The following HEATR5A variants were observed in gnomAD, a reference collection of about 807,000 sequenced individuals.
HEATR5A encodes the protein HEAT repeat containing 5A.
Under a neutral mutation model 218.8 loss-of-function variants are expected in HEATR5A, and 178 were observed. The ratio of observed to expected loss-of-function variants is 0.81; its 90% CI spans 0.72 to 0.92. HEATR5A has a LOEUF of 0.92. Ranked by LOEUF, HEATR5A falls within the 40% of genes least tolerant of loss-of-function variation. HEATR5A has a pLI of 0.00. For synonymous variants in HEATR5A, 864 were observed against 871.6 expected (o/e 0.99, Z 0.15); for missense variants, 2,420 against 2,418.9 (o/e 1.00, Z -0.01).
Position 31,293,581 on chromosome 14 carries a change from G to A in HEATR5A, c.5865C>T (p.Ile1955=), listed in dbSNP as rs751168472. The A allele has an allele frequency of 1.2e-6, 2 of 1,613,108 alleles. No individual in the cohort carries two copies. The highest frequency in any genetic ancestry group is 2.2e-5 in the South Asian group (2 of 90,870). The change falls in exon 36 of 36, where the codon ATC becomes ATT. Residue 1955 remains isoleucine, a synonymous_variant. Coordinates refer to ENST00000543095, the MANE Select transcript of HEATR5A (RefSeq NM_015473.4). ...TTTCATCCAAAAGGAAGGAAATGAG[G>A]ATGGGCAAAAGACAGGCCACCAGCT... ...RAQLVACLLP[I]LISFLLDENS... is the part of the protein sequence containing the mutation.
chr14:31,355,343 G>T (rs569891411), intron 16 of HEATR5A, among the ~76,000 whole-genome samples: 245 of 152,136 alleles, frequency 1.6e-3, no homozygotes, highest in South Asian at 9.1e-3. Flanking sequence ...AACCTGGGAG[G>T]CGGAGGTTGC....
intron 13 of HEATR5A, among the ~76,000 whole-genome samples, chr14:31,366,580 G>A (rs1187635704): frequency 6.6e-6 from 1 of 151,906 alleles, no homozygotes; most frequent in Admixed American, 6.6e-5. Context: ...TCATTAGGAG[G>A]GCAGATTATA....
At chr14:31,312,839 A>G in intron 28 of HEATR5A, 129 bp downstream of exon 28, 1 of 723,306 alleles carries the variant, frequency 1.4e-6, no homozygotes, top group Non-Finnish European at 2.3e-6. Flanking sequence ...CAGAGGTTGC[A>G]GTGAGCCAAA....
chr14:31,371,938 G>T, intron 12 of HEATR5A, 29 bp from the exon 13 acceptor site: 1 of 1,154,524 alleles, frequency 8.7e-7, no homozygotes, highest in East Asian at 2.6e-5. Flanking sequence ...TTTTACTTGG[G>T]CATACTGTAA....
intron 1 of HEATR5A, among the ~76,000 whole-genome samples, chr14:31,415,657 A>G (rs1838612419): frequency 6.6e-6 from 1 of 152,086 alleles, no homozygotes; most frequent in South Asian, 2.1e-4. Flanking sequence ...GTTTTTTAAG[A>G]GTTTTGGTGA....
chr14:31,295,470 T>G (rs1158155143), intron 34 of HEATR5A: 1 of 152,654 alleles, frequency 6.6e-6, no homozygotes, highest in East Asian at 1.9e-4. Context: ...GCTCTCGGAC[T>G]CCTGGCCTCA....
At chr14:31,323,486 A>T in intron 24 of HEATR5A, 79 bp downstream of exon 24, 1 of 1,145,028 alleles carries the variant, frequency 8.7e-7, no homozygotes, top group Non-Finnish European at 1.2e-6. Context: ...AAAATATTTT[A>T]ATATTTTAAA....
Position 31,326,308 on chromosome 14 carries a change from T to G in HEATR5A, c.3402A>C (p.Ala1134=). Residue 1134 remains alanine, a synonymous_variant, in exon 23 of 36, where the codon GCA becomes GCC. Transcript: ENST00000543095. The stretch of plus-strand genomic sequence containing the variant: ...TCTCCTTGTCTAGTAAGATCAACAA[T>G]GCCCCCTCAAGGCCAACTTCTCTGA... ...ANIREVGLEG[A]LLILLDKETD... 6.2e-7 allele frequency: 1 copy of G among 1,613,210 alleles called. No individual in the cohort carries two copies.
intron 13 of HEATR5A, among the ~76,000 whole-genome samples, chr14:31,367,435 T>C (rs1053904778): frequency 6.6e-6 from 1 of 152,046 alleles, no homozygotes; most frequent in Non-Finnish European, 1.5e-5. Context: ...AGTCTCACTC[T>C]GTTACCCAGG....
chr14:31,410,193 A>G (rs767121147), intron 1 of HEATR5A, among the ~76,000 whole-genome samples: 1 of 152,168 alleles, frequency 6.6e-6, no homozygotes, highest in African/African-American at 2.4e-5. Context: ...TTAAATTTCA[A>G]TTATTTTTCT....
chr14:31,337,727 G>A, intron 21 of HEATR5A, 113 bp from the exon 22 acceptor site: 3 of 795,550 alleles, frequency 3.8e-6, no homozygotes, highest in East Asian at 2.8e-5. Flanking sequence ...TCAGTGGGCT[G>A]GACACAATTT....
chr14:31,403,949 AACTT>A (rs1350177111), intron 1 of HEATR5A, among the ~76,000 whole-genome samples: 1 of 152,228 alleles, frequency 6.6e-6, no homozygotes, highest in African/African-American at 2.4e-5. Context: ...GCTTTACTGC[AACTT>A]ACTTTTTAAA....
intron 18 of HEATR5A, 35 bp from the exon 19 acceptor site, chr14:31,347,942 C>A: frequency 7.6e-7 from 1 of 1,317,758 alleles, no homozygotes; most frequent in Non-Finnish European, 1.0e-6. Context: ...ACGGTAATCA[C>A]TGCAAAAGAA....
Position 31,304,128 on chromosome 14 carries a change from A to G in HEATR5A, c.5239+777T>C, listed in dbSNP as rs369594181. Among the ~76,000 whole-genome samples the G allele has an allele frequency of 1.2e-3, 187 of 152,266 alleles. 6 individuals are homozygous for G. The South Asian group carries it at 0.037, about 30-fold the overall frequency. On this transcript the variant is annotated intron_variant, in intron 32 of 35. Transcript: ENST00000543095. ...GGAGGCCAAGACAGGAGGATTGCTTAAGCCCAGGAGTTTGACATTATAGTG... is the reference window on the plus strand; with the variant it reads ...GGAGGCCAAGACAGGAGGATTGCTTGAGCCCAGGAGTTTGACATTATAGTG...
intron 33 of HEATR5A, among the ~76,000 whole-genome samples, chr14:31,299,311 C>A (rs1899288601): frequency 6.6e-6 from 1 of 152,198 alleles, no homozygotes; most frequent in Non-Finnish European, 1.5e-5. Context: ...TCATTTTAAT[C>A]CTTTTTGTCC....
chr14:31,403,464 C>A (rs1295524304), intron 1 of HEATR5A, among the ~76,000 whole-genome samples: 1 of 152,174 alleles, frequency 6.6e-6, no homozygotes, highest in Non-Finnish European at 1.5e-5. Context: ...GTAAAGCTTG[C>A]CATCTCTCTG....
intron 6 of HEATR5A, among the ~76,000 whole-genome samples, chr14:31,392,433 GA>G (rs1237007925): frequency 6.6e-6 from 1 of 152,118 alleles, no homozygotes; most frequent in Admixed American, 6.6e-5. Flanking sequence ...TTCTCCAAGA[GA>G]AAACTCATGA....
Position 31,371,626 on chromosome 14 carries a change from A to G in HEATR5A, c.1961+184T>C, listed in dbSNP as rs144231068. The G allele has an allele frequency of 4.1e-4, 167 of 404,020 alleles. No homozygotes were observed. The East Asian group carries it at 6.3e-3, about 15-fold the overall frequency. 25.0% of individuals were successfully genotyped at this position (404,020 alleles called of 1,614,324 possible). On this transcript the variant is annotated intron_variant, in intron 13 of 35. Transcript: ENST00000543095. Reference sequence around the variant, plus strand: ...ATGTAAGGTAGATTATTCCCCTAAAATTTTCCTTCCCTTTTAATATGTAAT... The same window carrying G: ...ATGTAAGGTAGATTATTCCCCTAAAGTTTTCCTTCCCTTTTAATATGTAAT...
At chr14:31,319,875 T>C (rs1482657946) in intron 25 of HEATR5A, among the ~76,000 whole-genome samples, 5 of 152,042 alleles carry the variant, frequency 3.3e-5, no homozygotes, top group Non-Finnish European at 5.9e-5. Context: ...TAAAACCCTG[T>C]CTTTACAAAA....
Sources: gnomAD v4.1 joint callset for allele counts (sites outside exome capture counted in the v4.1 genomes callset) on GRCh38, gnomAD v4.1.1 for gene constraint, MANE v1.5 for transcripts, NCBI Gene and HGNC (gene_info 2026-07-23, HGNC 2026-07-21) for gene names.